The following RAB43 variants were observed in gnomAD, a reference collection of about 807,000 sequenced individuals.
RAB43 encodes the protein RAB43, member RAS oncogene family, also known as ras-related protein Rab-43.
A neutral mutation model predicts 18.8 loss-of-function variants in RAB43; 6 were observed. That is an observed-to-expected ratio of 0.32 (90% CI 0.17 to 0.63). The LOEUF is 0.63. Among genes scored for constraint, RAB43 ranks in the 30% least tolerant of loss-of-function variants. The probability of loss-of-function intolerance (pLI) is 0.79; values close to 1 mark genes in which losing one functional copy is unlikely to be tolerated. For synonymous variants in RAB43, 103 were observed against 124.1 expected (o/e 0.83, Z 1.13); for missense variants, 195 against 289.1 (o/e 0.67, Z 2.36).
intron 1 of RAB43, among the ~76,000 whole-genome samples, chr3:129,118,875 G>GA (rs1560006907): frequency 1.3e-5 from 2 of 152,060 alleles, no homozygotes; most frequent in African/African-American, 2.4e-5. Flanking sequence ...GCTTTCCACA[G>GA]AAAAAACAAC....
At chr3:129,104,662 G>A (rs1358406716) in intron 1 of RAB43, among the ~76,000 whole-genome samples, 3 of 152,226 alleles carry the variant, frequency 2.0e-5, no homozygotes, top group African/African-American at 4.8e-5. Context: ...TGACAGAAGG[G>A]CTCAGTCCTG....
chr3:129,100,665 G>A (rs972784742), intron 1 of RAB43, among the ~76,000 whole-genome samples: 5 of 152,210 alleles, frequency 3.3e-5, no homozygotes, highest in African/African-American at 7.2e-5. Context: ...CCCTTCCCAT[G>A]GCTGGTAGTA....
At chr3:129,118,814 A>C (rs972582613) in intron 1 of RAB43, among the ~76,000 whole-genome samples, 3 of 152,218 alleles carry the variant, frequency 2.0e-5, no homozygotes, top group Admixed American at 2.0e-4. Context: ...GGCATGAGCC[A>C]CTGCACCCGG....
chr3:129,120,889 GCT>G lies in RAB43; in HGVS notation c.204+395_204+396del, dbSNP rs1231406577. Among the ~76,000 whole-genome samples the G allele has an allele frequency of 4.6e-5, 7 of 152,328 alleles. No homozygotes were observed. In the East Asian group the frequency reaches 1.3e-3, roughly 29 times the overall value. ...GCCCCGCCGGTGGGCTGAGCTGGGG[GCT>G]GCCATCGCGGTGGATGGAGGTGGGG... On this transcript the variant is annotated intron_variant, in intron 1 of 2. Coordinates refer to ENST00000315150, the MANE Select transcript of RAB43 (RefSeq NM_198490.3).
At chr3:129,117,091 C>T (rs919492162) in intron 1 of RAB43, among the ~76,000 whole-genome samples, 1 of 152,116 alleles carries the variant, frequency 6.6e-6, no homozygotes, top group African/African-American at 2.4e-5. Context: ...ATGGCTTCTT[C>T]TTAGAGGACA....
At chr3:129,109,720 C>T (rs914388975) in intron 1 of RAB43, among the ~76,000 whole-genome samples, 13 of 150,460 alleles carry the variant, frequency 8.6e-5, no homozygotes, top group Admixed American at 6.0e-4. Context: ...CCAGCCCAGG[C>T]GACAGTGAGA....
At chr3:129,093,582 C>T (rs1317461884) in intron 2 of RAB43, among the ~76,000 whole-genome samples, 1 of 152,120 alleles carries the variant, frequency 6.6e-6, no homozygotes, top group Non-Finnish European at 1.5e-5. Context: ...TGCACTCCAG[C>T]CTGGCGACAG....
At chr3:129,102,579 G>A (rs1309996728) in intron 1 of RAB43, among the ~76,000 whole-genome samples, 2 of 136,820 alleles carry the variant, frequency 1.5e-5, no homozygotes, top group Non-Finnish European at 3.0e-5. Flanking sequence ...GCAGTGAGCC[G>A]AGATAGTGCC....
At chr3:129,115,847 G>A (rs1053571852) in intron 1 of RAB43, among the ~76,000 whole-genome samples, 1 of 152,086 alleles carries the variant, frequency 6.6e-6, no homozygotes, top group Non-Finnish European at 1.5e-5. Flanking sequence ...ATATTAAATG[G>A]TAGATTCTAG....
intron 1 of RAB43, among the ~76,000 whole-genome samples, chr3:129,111,257 G>GT (rs1935150822): frequency 6.6e-6 from 1 of 152,078 alleles, no homozygotes; most frequent in Admixed American, 6.6e-5. Flanking sequence ...GCTCATGCCT[G>GT]TAATCCCAAC....
intron 1 of RAB43, among the ~76,000 whole-genome samples, chr3:129,098,170 T>C (rs1396892422): frequency 6.6e-6 from 1 of 152,172 alleles, no homozygotes; most frequent in African/African-American, 2.4e-5. Context: ...ACAGGCCTCA[T>C]TAGTGTCTCA....
rs1414756441 is a variant in RAB43 at position 129,091,166 on chromosome 3, C to T, written c.569G>A (p.Ser190Asn). ...LIMRHGGPLFSEKSPDHIQLN... is the reference protein window; with the variant it reads ...LIMRHGGPLFNEKSPDHIQLN... Reference sequence around the variant, plus strand: ...CTGGATGTGGTCGGGGCTCTTCTCGCTGAACAAGGGGCCCCCGTGCCGCAT... The same window carrying T: ...CTGGATGTGGTCGGGGCTCTTCTCGTTGAACAAGGGGCCCCCGTGCCGCAT... Residue 190 changes from serine (S) to asparagine (N), a missense_variant, in exon 3 of 3, where the codon AGC (serine) becomes AAC (asparagine). Coordinates refer to ENST00000315150, the MANE Select transcript of RAB43 (RefSeq NM_198490.3). The T allele has an allele frequency of 2.5e-6, 4 of 1,574,676 alleles. No homozygotes were observed. The highest frequency in any genetic ancestry group is 4.6e-5 in the East Asian group (2 of 43,604).
intron 1 of RAB43, among the ~76,000 whole-genome samples, chr3:129,112,329 C>T (rs1318354956): frequency 2.0e-5 from 3 of 149,944 alleles, no homozygotes; most frequent in African/African-American, 7.4e-5. Flanking sequence ...AAATGGTAAA[C>T]AGAATTTTTT....
At chr3:129,116,368 A>G (rs1232039351) in intron 1 of RAB43, among the ~76,000 whole-genome samples, 1 of 152,226 alleles carries the variant, frequency 6.6e-6, no homozygotes, top group Non-Finnish European at 1.5e-5. Flanking sequence ...CCTGGTATCA[A>G]GAACAGATTT....
chr3:129,111,280 C>T (rs1005770133), intron 1 of RAB43, among the ~76,000 whole-genome samples: 4 of 151,888 alleles, frequency 2.6e-5, no homozygotes, highest in African/African-American at 4.8e-5. Flanking sequence ...TTTGGGAGGC[C>T]GAGGTGGGCA....
At chr3:129,114,742 C>T (rs1935412121) in intron 1 of RAB43, among the ~76,000 whole-genome samples, 1 of 152,170 alleles carries the variant, frequency 6.6e-6, no homozygotes, top group African/African-American at 2.4e-5. Context: ...TGTGGATATC[C>T]TGAGTCACAG....
At chr3:129,115,152 C>T (rs1364580019) in intron 1 of RAB43, among the ~76,000 whole-genome samples, 1 of 152,142 alleles carries the variant, frequency 6.6e-6, no homozygotes, top group African/African-American at 2.4e-5. Flanking sequence ...CATGGTTTCA[C>T]TTTCCAAGGT....
Position 129,107,920 on chromosome 3 carries a change from C to T in RAB43, c.205-12751G>A, listed in dbSNP as rs1934892206. Among the ~76,000 whole-genome samples the T allele has an allele frequency of 1.3e-5, 2 of 152,206 alleles. No homozygotes were observed. The highest frequency in any genetic ancestry group is 1.3e-4 in the Admixed American group (2 of 15,266). ...ACCTCTTCAACTCTCTAGAGCAAAC[C>T]CTCCTCCCCGGGCTCCCAGGCACAG... On this transcript the variant is annotated intron_variant, in intron 1 of 2. Coordinates refer to ENST00000315150, the MANE Select transcript of RAB43 (RefSeq NM_198490.3). This position sits in a 1 kb window ranked among gnomAD's most constrained non-coding sequence, Gnocchi z 4.2.
At chr3:129,108,329 T>A (rs1353415283) in intron 1 of RAB43, among the ~76,000 whole-genome samples, 2 of 152,360 alleles carry the variant, frequency 1.3e-5, no homozygotes, top group East Asian at 1.9e-4. Flanking sequence ...TGGCTGGCTG[T>A]TGCCACAATG....
Sources: gnomAD v4.1 joint callset for allele counts (sites outside exome capture counted in the v4.1 genomes callset) on GRCh38, gnomAD v4.1.1 for gene constraint, Gnocchi (gnomAD v3.1) non-coding constraint, MANE v1.5 for transcripts, NCBI Gene and HGNC (gene_info 2026-07-23, HGNC 2026-07-21) for gene names.